The following TMEM26 variants were observed in gnomAD, a reference collection of about 807,000 sequenced individuals.
The protein encoded by TMEM26 is transmembrane protein 26.
Under a neutral mutation model 28.8 loss-of-function variants are expected in TMEM26, and 38 were observed. The ratio of observed to expected loss-of-function variants is 1.32; its 90% confidence interval spans 1.02 to 1.73. TMEM26 has a LOEUF of 1.73. Ranked by LOEUF, TMEM26 falls within the 40% of genes most tolerant of loss-of-function variation. The pLI is 0.00. For synonymous variants in TMEM26, 227 were observed against 182.9 expected, an observed-to-expected ratio of 1.24 and a Z score of -1.95; for missense variants, 518 against 447.1, an observed-to-expected ratio of 1.16 and a Z score of -1.43.
chr10:61,433,094 T>G (rs1839948641), intron 2 of TMEM26, among the ~76,000 whole-genome samples: 1 of 152,282 alleles, frequency 6.6e-6, no homozygotes, highest in South Asian at 2.1e-4. Flanking sequence ...TTGACATTCT[T>G]ACCACTAAAA....
chr10:61,436,810 G>T (rs183952390), intron 1 of TMEM26, among the ~76,000 whole-genome samples: 3 of 152,216 alleles, frequency 2.0e-5, no homozygotes, highest in South Asian at 2.1e-4. Flanking sequence ...AACAACCAAC[G>T]GTGTAAGCCT....
intron 1 of TMEM26, among the ~76,000 whole-genome samples, chr10:61,440,303 C>T (rs1207360712): frequency 6.6e-6 from 1 of 152,044 alleles, no homozygotes; most frequent in Non-Finnish European, 1.5e-5. Flanking sequence ...AATCAAGGGC[C>T]CTTCTTGTAC....
At chr10:61,447,765 C>T (rs1370240088) in intron 1 of TMEM26, among the ~76,000 whole-genome samples, 1 of 152,094 alleles carries the variant, frequency 6.6e-6, no homozygotes, top group Non-Finnish European at 1.5e-5. Flanking sequence ...CTGGCTGGCT[C>T]CCTCTCTTCT....
At chr10:61,436,303 A>T (rs1840007837) in intron 1 of TMEM26, 55 bp from the exon 2 acceptor site, 3 of 1,189,246 alleles carry the variant, frequency 2.5e-6, no homozygotes, top group Non-Finnish European at 3.6e-6. Context: ...ATTTTCCAAA[A>T]AAAAAAATTA....
chr10:61,417,921 A>G (rs1215390964), intron 4 of TMEM26, among the ~76,000 whole-genome samples: 1 of 152,044 alleles, frequency 6.6e-6, no homozygotes, highest in African/African-American at 2.4e-5. Flanking sequence ...ATTGTCAAAA[A>G]CAACGATCAG....
chr10:61,432,534 A>T (rs1020491270), intron 2 of TMEM26, among the ~76,000 whole-genome samples: 1 of 152,150 alleles, frequency 6.6e-6, no homozygotes, highest in Admixed American at 6.6e-5. Flanking sequence ...AAAAAGTTGA[A>T]GGTTTTTCAA....
intron 1 of TMEM26, among the ~76,000 whole-genome samples, chr10:61,451,149 T>A: frequency 6.6e-6 from 1 of 152,316 alleles, no homozygotes; most frequent in African/African-American, 2.4e-5. Flanking sequence ...ATAACTTGAC[T>A]TATTGACCAT....
intron 4 of TMEM26, among the ~76,000 whole-genome samples, chr10:61,423,880 G>A (rs1839789129): frequency 6.6e-6 from 1 of 152,038 alleles, no homozygotes; most frequent in African/African-American, 2.4e-5. Context: ...AATAAAAGCA[G>A]GAAAAGGATT....
chr10:61,447,928 A>G (rs1399512693), intron 1 of TMEM26, among the ~76,000 whole-genome samples: 1 of 152,198 alleles, frequency 6.6e-6, no homozygotes, highest in Non-Finnish European at 1.5e-5. Flanking sequence ...TCTGTTACCT[A>G]TTAATTCATC....
At chr10:61,436,068 C>A in intron 2 of TMEM26, 102 bp downstream of exon 2, 1 of 652,596 alleles carries the variant, frequency 1.5e-6, no homozygotes, top group Non-Finnish European at 2.6e-6. Flanking sequence ...TTCTTGCTAA[C>A]TCCAGTACCT....
At chr10:61,443,190 C>A (rs905685781) in intron 1 of TMEM26, among the ~76,000 whole-genome samples, 4 of 151,700 alleles carry the variant, frequency 2.6e-5, no homozygotes, top group African/African-American at 9.7e-5. Flanking sequence ...CAGTGTGTCA[C>A]GCCTGTAATC....
chr10:61,417,400 TATTTGTTTTTGGAAGTGTAA>T (rs1404677583), intron 4 of TMEM26, among the ~76,000 whole-genome samples: 1 of 151,686 alleles, frequency 6.6e-6, no homozygotes, highest in Non-Finnish European at 1.5e-5. Context: ...TGTGCTTAGC[TATTTGTTTTTGGAAGTGTAA>T]ATATTCCTGT....
In TMEM26 at chr10:61,453,004, T is replaced by G; in HGVS notation, c.78A>C (p.Arg26=). The part of the protein sequence containing the change: ...FLLHSLVGVW[R]VTEVKKEPRY... ...GCGGCTCCTTCTTCACCTCGGTCAC[T>G]CGCCAGACCCCGACCAGCGAGTGCA... The change falls in exon 1 of 6, where the codon CGA becomes CGC. Residue 26 remains arginine, a synonymous_variant. Coordinates refer to ENST00000399298, the MANE Select transcript of TMEM26 (RefSeq NM_178505.8). 6.2e-7 allele frequency: 1 copy of G among 1,613,918 alleles called. No homozygotes were observed. Among genetic ancestry groups the G allele is most frequent in the Non-Finnish European group, 8.5e-7 (1 of 1,179,998 alleles).
chr10:61,436,196 G>A lies in TMEM26; in HGVS notation c.244C>T (p.Leu82Phe). ...TGGGTCTCATGGTGCAATTCAAGAA[G>A]CCATAATGATGGAACGATGCTAATC... ...YLISIVPSLW[L>F]LELHHETQYC... The change falls in exon 2 of 6, where the codon CTT becomes TTT. Residue 82 changes from leucine (L) to phenylalanine (F), a missense_variant. Physicochemically the swap from Leu to Phe is conservative, Grantham distance 22. Transcript: ENST00000399298. The A allele has an allele frequency of 6.2e-7, 1 of 1,609,216 alleles. No homozygotes were observed. Among genetic ancestry groups the A allele is most frequent in the East Asian group, 2.2e-5 (1 of 44,744 alleles).
chr10:61,444,214 C>T (rs1339893560), intron 1 of TMEM26, among the ~76,000 whole-genome samples: 1 of 152,074 alleles, frequency 6.6e-6, no homozygotes, highest in Non-Finnish European at 1.5e-5. Flanking sequence ...TTATACTGTT[C>T]TCATATAACT....
At chr10:61,442,426 C>A (rs1260831847) in intron 1 of TMEM26, among the ~76,000 whole-genome samples, 1 of 151,884 alleles carries the variant, frequency 6.6e-6, no homozygotes, top group Non-Finnish European at 1.5e-5. Context: ...ATATCACTAC[C>A]CTGTTTAGTT....
At chr10:61,413,361 G>A (rs1275763928) in intron 5 of TMEM26, 98 bp downstream of exon 5, 1 of 1,511,436 alleles carries the variant, frequency 6.6e-7, no homozygotes, top group Non-Finnish European at 8.8e-7. Flanking sequence ...TTGGGATACA[G>A]ACATGATAAT....
At chr10:61,452,813 G>C (rs1486508016) in intron 1 of TMEM26, 78 bp downstream of exon 1, 29 of 1,497,704 alleles carry the variant, frequency 1.9e-5, no homozygotes, top group Non-Finnish European at 2.5e-5. Context: ...TGCGGGTTGC[G>C]GGAAGATGGC....
At chr10:61,431,107 A>G (rs1429201126) in intron 3 of TMEM26, 112 bp downstream of exon 3, 8 of 813,690 alleles carry the variant, frequency 9.8e-6, no homozygotes, top group East Asian at 7.8e-5. Context: ...CAAACAATGG[A>G]TAACTTTCTT....
Sources: gnomAD v4.1 joint callset for allele counts (sites outside exome capture counted in the v4.1 genomes callset) on GRCh38, gnomAD v4.1.1 for gene constraint, MANE v1.5 for transcripts, NCBI Gene and HGNC (gene_info 2026-07-23, HGNC 2026-07-21) for gene names.